Variants in NRXN3 observed in about 807,000 individuals in gnomAD.
NRXN3 encodes the protein neurexin III.
Under a neutral mutation model 137.6 loss-of-function variants are expected in NRXN3, and 32 were observed. The observed-to-expected ratio is 0.23, with a 90% CI of 0.18 to 0.31. NRXN3 has a LOEUF of 0.31. Among genes scored for constraint, NRXN3 ranks in the 10% least tolerant of loss-of-function variants. The pLI, the probability that NRXN3 is intolerant of heterozygous loss-of-function variation, is 1.00. For synonymous variants in NRXN3, 798 were observed against 784.5 expected (o/e 1.02, Z -0.29); for missense variants, 1,574 against 2,062.5 (o/e 0.76, Z 4.59).
At chr14:79,430,233 G>C (rs989381187) in intron 15 of NRXN3, among the ~76,000 whole-genome samples, 1 of 152,166 alleles carries the variant, frequency 6.6e-6, no homozygotes, top group African/African-American at 2.4e-5. Context: ...TTAAGACTGC[G>C]TTTGTGAAGC....
At chr14:79,008,979 T>C (rs1386168952) in intron 15 of NRXN3, among the ~76,000 whole-genome samples, 1 of 152,048 alleles carries the variant, frequency 6.6e-6, no homozygotes, top group African/African-American at 2.4e-5. Context: ...CTGTTGCTCT[T>C]CAAGTTAGAT....
At chr14:79,050,434 C>G (rs1411211444) in intron 15 of NRXN3, among the ~76,000 whole-genome samples, 1 of 152,154 alleles carries the variant, frequency 6.6e-6, no homozygotes, top group African/African-American at 2.4e-5. Context: ...ATATTGACAA[C>G]AGCACAGTGG....
chr14:79,399,862 G>C (rs1205761229), intron 15 of NRXN3, among the ~76,000 whole-genome samples: 1 of 152,094 alleles, frequency 6.6e-6, no homozygotes, highest in Non-Finnish European at 1.5e-5. Flanking sequence ...AAGGCTCTAG[G>C]GGAGAATTCT....
chr14:79,405,393 C>G (rs763729852), intron 15 of NRXN3, among the ~76,000 whole-genome samples: 5 of 152,080 alleles, frequency 3.3e-5, no homozygotes, highest in Non-Finnish European at 7.4e-5. Context: ...AGTCTGGAGA[C>G]AGATGGAAGC....
chr14:78,691,537 C>G (rs1217063575), intron 6 of NRXN3, among the ~76,000 whole-genome samples: 2 of 152,086 alleles, frequency 1.3e-5, no homozygotes, highest in Admixed American at 1.3e-4. Context: ...CTAGTGGATG[C>G]CTTGGCTCTC....
At chr14:79,505,532 A>G (rs1432990040) in intron 16 of NRXN3, among the ~76,000 whole-genome samples, 1 of 152,216 alleles carries the variant, frequency 6.6e-6, no homozygotes, top group Non-Finnish European at 1.5e-5. Context: ...AACCACATGG[A>G]CACCCCTAAC....
chr14:78,889,554 A>C, intron 10 of NRXN3, among the ~76,000 whole-genome samples: 1 of 152,038 alleles, frequency 6.6e-6, no homozygotes, highest in East Asian at 1.9e-4. Flanking sequence ...GTTACAATGT[A>C]GACATTGCAA....
intron 6 of NRXN3, among the ~76,000 whole-genome samples, chr14:78,696,934 G>C (rs2098231944): frequency 6.6e-6 from 1 of 152,058 alleles, no homozygotes; most frequent in African/African-American, 2.4e-5. Context: ...GACCCTTAGG[G>C]TTAGGGGATT....
At chr14:78,822,719 AAAAAAG>A (rs898144427) in intron 10 of NRXN3, among the ~76,000 whole-genome samples, 5 of 151,886 alleles carry the variant, frequency 3.3e-5, no homozygotes, top group African/African-American at 1.2e-4. Flanking sequence ...ACAAAAAAAA[AAAAAAG>A]AAAAGAAAGA....
intron 16 of NRXN3, among the ~76,000 whole-genome samples, chr14:79,533,707 C>T (rs2097188660): frequency 6.6e-6 from 1 of 152,124 alleles, no homozygotes; most frequent in South Asian, 2.1e-4. Context: ...GCATAAACTT[C>T]CTTGCCCCAC....
rs1441293733 is a variant in NRXN3, at chr14:79,835,140, A to G, written c.4094-26202A>G. On this transcript the variant is annotated intron_variant, in intron 20 of 20. Transcript: ENST00000335750. ...CATGGTGACCATAGCAAATAATAAC[A>G]TCTTGTATTTTGAAAATCACTAAGG... 3.9e-5 allele frequency among the ~76,000 whole-genome samples: 6 copies of G among 152,306 alleles called. No homozygotes were observed. In the East Asian group the frequency reaches 1.2e-3, roughly 29 times the overall value.
chr14:78,436,313 G>A (rs2094064159), intron 4 of NRXN3, among the ~76,000 whole-genome samples: 1 of 152,166 alleles, frequency 6.6e-6, no homozygotes, highest in African/African-American at 2.4e-5. Context: ...ACATTTTTAT[G>A]TCACCTACTG....
In NRXN3 at chr14:79,850,573, A is replaced by G. The variant is rs554834445; in HGVS notation, c.4094-10769A>G. ...TTTGATTTTACATTTAGACAGAGCT[A>G]TTAGGACATGGTGGGATAAAAATGG... On this transcript the variant is annotated intron_variant, in intron 20 of 20. Coordinates refer to ENST00000335750, the MANE Select transcript of NRXN3 (RefSeq NM_001330195.2). 2.2e-4 allele frequency among the ~76,000 whole-genome samples: 34 copies of G among 152,318 alleles called. No homozygotes were observed. In the East Asian group the frequency reaches 4.1e-3, roughly 18 times the overall value.
At chr14:79,818,376 A>G (rs2099259580) in intron 20 of NRXN3, among the ~76,000 whole-genome samples, 1 of 152,144 alleles carries the variant, frequency 6.6e-6, no homozygotes. Context: ...CTAGCTCATT[A>G]TTCATGATCA....
intron 15 of NRXN3, among the ~76,000 whole-genome samples, chr14:79,017,507 G>A (rs1328822840): frequency 2.0e-5 from 3 of 152,134 alleles, no homozygotes; most frequent in Non-Finnish European, 2.9e-5. Context: ...TTGGAGTTAG[G>A]GAGGTTATTC....
At chr14:79,466,449 G>A (rs541104127) in intron 15 of NRXN3, among the ~76,000 whole-genome samples, 3 of 152,126 alleles carry the variant, frequency 2.0e-5, no homozygotes, top group East Asian at 1.9e-4. Flanking sequence ...TTAGCCGGGC[G>A]TGGTGGCACG....
In NRXN3 at chr14:79,868,080, A is replaced by G. The variant is rs1188440116; in HGVS notation, c.*6116A>G. On this transcript the variant is annotated 3_prime_UTR_variant, in exon 21 of 21. Coordinates refer to ENST00000335750, the MANE Select transcript of NRXN3 (RefSeq NM_001330195.2). ...GCTTTCATACCTATAATTTTGTTAT[A>G]CTTATCTTGCAGGTTTCTTGAGAAA... is the stretch of plus-strand genomic sequence containing the variant. 2 of 152,112 alleles carry G rather than the reference A, an allele frequency of 1.3e-5. No homozygotes were observed. The highest frequency in any genetic ancestry group is 6.5e-5 in the Admixed American group (1 of 15,272). The allele number at this position is 152,112 out of a possible 1,614,324, so 9.4% of individuals were successfully genotyped here.
At chr14:78,248,314 C>CCCCCCCCCCCCCCCA (rs71131639) in intron 2 of NRXN3, among the ~76,000 whole-genome samples, 2 of 47,552 alleles carry the variant, frequency 4.2e-5, no homozygotes, top group Admixed American at 2.5e-4. Context: ...CCCCCCCCCC[C>CCCCCCCCCCCCCCCA]CCACCCGCCA....
At chr14:79,557,503 T>C (rs2097442319) in intron 16 of NRXN3, among the ~76,000 whole-genome samples, 1 of 152,116 alleles carries the variant, frequency 6.6e-6, no homozygotes, top group African/African-American at 2.4e-5. Flanking sequence ...CACAATAACG[T>C]GATTATTGCC....
Sources: gnomAD v4.1 joint callset for allele counts (sites outside exome capture counted in the v4.1 genomes callset) on GRCh38, gnomAD v4.1.1 for gene constraint, MANE v1.5 for transcripts, NCBI Gene and HGNC (gene_info 2026-07-23, HGNC 2026-07-21) for gene names.